PNPLA7: variants seen among roughly 807,000 people sequenced by gnomAD.
PNPLA7 encodes patatin-like phospholipase domain-containing protein 7.
In PNPLA7, 153 loss-of-function variants were observed where a neutral mutation model predicts 161.7. The observed-to-expected ratio is 0.95, with a 90% CI of 0.83 to 1.08. PNPLA7 has a LOEUF of 1.08. Among genes scored for constraint, PNPLA7 ranks in the 50% least tolerant of loss-of-function variants. The pLI, the probability that PNPLA7 is intolerant of heterozygous loss-of-function variation, is 0.00. For synonymous variants in PNPLA7, 809 were observed against 782.1 expected (o/e 1.03, Z -0.57); for missense variants, 1,739 against 1,856.6 (o/e 0.94, Z 1.16).
chr9:137,477,909 C>A (rs1284827829), intron 25 of PNPLA7, 125 bp downstream of exon 25: 5 of 769,460 alleles, frequency 6.5e-6, no homozygotes, highest in Non-Finnish European at 7.2e-6. Flanking sequence ...TCTGGACAGG[C>A]GGCCTGAGGG....
At position 137,500,852 on chromosome 9, in the gene PNPLA7, G is replaced by C. The variant is rs372412627; in HGVS notation, c.1596C>G (p.Tyr532Ter). 9 of 1,594,886 alleles carry C rather than the reference G, an allele frequency of 5.6e-6. No homozygotes were observed. Among genetic ancestry groups the C allele is most frequent in the African/African-American group, 5.3e-5 (4 of 74,820 alleles). Reference protein sequence around the residue: ...LFVVSGLLHVYQRKIGSQEDT... With the variant: ...LFVVSGLLHV Reference sequence around the variant, plus strand: ...CCTCCTGGCTGCCGATCTTCCGCTGGTACACGTGCAGCAGCCCCGAGACCA... The same window carrying C: ...CCTCCTGGCTGCCGATCTTCCGCTGCTACACGTGCAGCAGCCCCGAGACCA... Residue 532 changes from tyrosine (Y) to a stop codon, truncating the protein, a stop_gained, in exon 16 of 35, where the codon TAC (tyrosine) becomes TAG (stop). Coordinates refer to ENST00000406427, the MANE Select transcript of PNPLA7 (RefSeq NM_001098537.3). LOFTEE classifies it high-confidence loss of function. The surrounding 1 kb of genome is among the most constrained non-coding windows in gnomAD (Gnocchi z 5.5).
chr9:137,511,264 T>C (rs1332610509), intron 12 of PNPLA7, among the ~76,000 whole-genome samples: 1 of 150,524 alleles, frequency 6.6e-6, no homozygotes, highest in African/African-American at 2.5e-5. Context: ...TTAGTGGACC[T>C]TGGCCTGGTG....
chr9:137,547,647 G>A lies in PNPLA7; in HGVS notation c.43C>T (p.Leu15=), dbSNP rs777835450. Residue 15 remains leucine (L), a synonymous_variant, in exon 2 of 35, where the codon CTG becomes TTG. Coordinates refer to ENST00000406427, the MANE Select transcript of PNPLA7 (RefSeq NM_001098537.3). The surrounding 1 kb of genome is among the most constrained non-coding windows in gnomAD (Gnocchi z 4.6). ...CCCCAAGAGTGCAGGGCGGTGCCCA[G>A]GCAGAAGTCAGCCTGCAGCAGAGAG... is the stretch of plus-strand genomic sequence containing the variant. ...KDDSPQADFC[L]GTALHSWGLW... The A allele has an allele frequency of 3.1e-6, 5 of 1,613,048 alleles. No individual in the cohort carries two copies. Among genetic ancestry groups the A allele is most frequent in the African/African-American group, 1.3e-5 (1 of 75,074 alleles).
In PNPLA7 at chr9:137,486,247, A is replaced by G. The variant is rs1489320177; in HGVS notation, c.2198-1511T>C. 6.6e-6 allele frequency among the ~76,000 whole-genome samples: 1 copy of G among 152,012 alleles called. No individual in the cohort carries two copies. The highest frequency in any genetic ancestry group is 1.5e-5 in the Non-Finnish European group (1 of 68,016). ...AAGCCTGGGGACACAGAACCAAGTGAGGGCTTAAGGGCCACTCCCTGCAGA... is the reference window on the plus strand; with the variant it reads ...AAGCCTGGGGACACAGAACCAAGTGGGGGCTTAAGGGCCACTCCCTGCAGA... On this transcript the variant is annotated intron_variant, in intron 20 of 34. Coordinates refer to ENST00000406427, the MANE Select transcript of PNPLA7 (RefSeq NM_001098537.3). The surrounding 1 kb of genome is among the most constrained non-coding windows in gnomAD (Gnocchi z 6.0).
chr9:137,500,982 C>A lies in PNPLA7; in HGVS notation c.1552-86G>T. The A allele has an allele frequency of 7.8e-7, 1 of 1,276,098 alleles. No individual in the cohort carries two copies. Among genetic ancestry groups the A allele is most frequent in the Non-Finnish European group, 1.1e-6 (1 of 930,322 alleles). 79.0% of individuals were successfully genotyped at this position (1,276,098 alleles called of 1,614,324 possible). ...CTGGGCCCAGAGCGGACGATGCCAC[C>A]AGGCTCAGCCGGGAGACCATCCGCC... On this transcript the variant is annotated intron_variant, in intron 15 of 34. Coordinates refer to ENST00000406427, the MANE Select transcript of PNPLA7 (RefSeq NM_001098537.3). The surrounding 1 kb of genome is among the most constrained non-coding windows in gnomAD (Gnocchi z 5.5).
chr9:137,538,128 C>T (rs750986088), intron 8 of PNPLA7, among the ~76,000 whole-genome samples: 3 of 152,190 alleles, frequency 2.0e-5, no homozygotes, highest in Non-Finnish European at 4.4e-5. Flanking sequence ...CCCCAAGCCA[C>T]GCTGGGGGCT....
chr9:137,478,301 C>T (rs1053048972), intron 24 of PNPLA7, 149 bp from the exon 25 acceptor site: 6 of 541,788 alleles, frequency 1.1e-5, no homozygotes, highest in African/African-American at 2.0e-5. Flanking sequence ...CTGCCTGATA[C>T]GACTGGTCAG....
intron 18 of PNPLA7, among the ~76,000 whole-genome samples, chr9:137,496,257 G>A (rs558614128): frequency 6.6e-5 from 10 of 150,644 alleles, no homozygotes; most frequent in Admixed American, 2.0e-4. Context: ...ACAGGCACCC[G>A]CCACCACACC....
intron 14 of PNPLA7, among the ~76,000 whole-genome samples, chr9:137,502,199 T>C (rs1291873228): frequency 2.0e-5 from 3 of 151,722 alleles, no homozygotes; most frequent in African/African-American, 7.3e-5. Context: ...AAGGCAGAGG[T>C]TGCAGTGGAC....
Position 137,463,053 on chromosome 9 carries a change from G to C in PNPLA7, c.3344-220C>G, listed in dbSNP as rs1831295251. ...CTGACCGTATATCCCACAGGTGACA[G>C]GAGTGGCCTGGCCTGGCCCCCAGCA... is the stretch of plus-strand genomic sequence containing the variant. On this transcript the variant is annotated intron_variant, in intron 29 of 34. Coordinates refer to ENST00000406427, the MANE Select transcript of PNPLA7 (RefSeq NM_001098537.3). 4.6e-5 allele frequency: 31 copies of C among 675,708 alleles called. 1 individual carries two copies. In the South Asian group the frequency reaches 5.7e-4, roughly 12 times the overall value. The allele number at this position is 675,708 out of a possible 1,614,324, so 41.9% of individuals were successfully genotyped here. A position where few individuals can be genotyped will look rare whatever the true frequency, so the allele number is the denominator to read the frequency against.
At position 137,490,764 on chromosome 9, in the gene PNPLA7, A is replaced by G. The variant is rs186899391; in HGVS notation, c.2197+2249T>C. 3.9e-5 allele frequency among the ~76,000 whole-genome samples: 6 copies of G among 152,364 alleles called. No homozygotes were observed. Among genetic ancestry groups the G allele is most frequent in the Admixed American group, 3.9e-4 (6 of 15,298 alleles). On this transcript the variant is annotated intron_variant, in intron 20 of 34. Transcript: ENST00000406427. The surrounding 1 kb of genome is among the most constrained non-coding windows in gnomAD (Gnocchi z 4.1). ...AGGAGGACGGTGACCCTGGGTGAAC[A>G]TCACAGACTATTCTCCTAAGTTTTA...
At chr9:137,503,840 A>AT (rs1564324806) in intron 14 of PNPLA7, among the ~76,000 whole-genome samples, 21 of 45,780 alleles carry the variant, frequency 4.6e-4, no homozygotes, top group South Asian at 9.0e-4. Flanking sequence ...AAGAAGCAAG[A>AT]AGAAGAAGGA....
intron 12 of PNPLA7, among the ~76,000 whole-genome samples, chr9:137,510,136 C>T (rs1281727176): frequency 2.0e-5 from 3 of 152,142 alleles, no homozygotes; most frequent in South Asian, 2.1e-4. Context: ...GATCATGGTC[C>T]AGCGGTAGCA....
chr9:137,509,683 G>A, intron 12 of PNPLA7: 1 of 446,778 alleles, frequency 2.2e-6, no homozygotes, highest in South Asian at 1.6e-5. Context: ...ACAGTCACAT[G>A]AGGCTTGTGG....
At chr9:137,538,748 A>T (rs544129130) in intron 8 of PNPLA7, among the ~76,000 whole-genome samples, 68 of 152,300 alleles carry the variant, frequency 4.5e-4, no homozygotes, top group Admixed American at 1.7e-3. Context: ...AAGATTAAAC[A>T]CACATTAAAT....
rs971925344 is a variant in PNPLA7 at position 137,520,841 on chromosome 9, C to T, written c.957+795G>A. 2.0e-5 allele frequency among the ~76,000 whole-genome samples: 3 copies of T among 152,232 alleles called. No individual in the cohort carries two copies. The highest frequency in any genetic ancestry group is 4.4e-5 in the Non-Finnish European group (3 of 68,044). ...ACGCGTCACAGTTCAGGGTCAGCTC[C>T]GCCCCACCCGGTTCAGATAGGAGGA... is the stretch of plus-strand genomic sequence containing the variant. On this transcript the variant is annotated intron_variant, in intron 10 of 34. Transcript: ENST00000406427. This position sits in a 1 kb window ranked among gnomAD's most constrained non-coding sequence, Gnocchi z 5.2.
At chr9:137,522,432 C>T (rs1238993272) in intron 9 of PNPLA7, among the ~76,000 whole-genome samples, 12 of 152,258 alleles carry the variant, frequency 7.9e-5, no homozygotes, top group South Asian at 2.1e-4. Context: ...CCTCGTGATC[C>T]GCCCGCCTCG....
Position 137,468,224 on chromosome 9 carries a change from C to T in PNPLA7, c.2883-751G>A, listed in dbSNP as rs761155567. 1.3e-5 allele frequency among the ~76,000 whole-genome samples: 2 copies of T among 151,774 alleles called. No homozygotes were observed. Among genetic ancestry groups the T allele is most frequent in the Non-Finnish European group, 2.9e-5 (2 of 67,970 alleles). On this transcript the variant is annotated intron_variant, in intron 25 of 34. Coordinates refer to ENST00000406427, the MANE Select transcript of PNPLA7 (RefSeq NM_001098537.3). This position sits in a 1 kb window ranked among gnomAD's most constrained non-coding sequence, Gnocchi z 4.0. ...CACCCCCGAGACCAGGCAGCCGGCA[C>T]CCAGGGCCTCTAATTGCTACTGCTG...
At position 137,467,320 on chromosome 9, in the gene PNPLA7, G is replaced by A. The variant is rs550255849; in HGVS notation, c.3036C>T (p.Ala1012=). Residue 1012 remains alanine, a synonymous_variant, in exon 26 of 35, where the codon GCC becomes GCT. Coordinates refer to ENST00000406427, the MANE Select transcript of PNPLA7 (RefSeq NM_001098537.3). The surrounding 1 kb of genome is among the most constrained non-coding windows in gnomAD (Gnocchi z 5.1). ...AGGGTGATGGGTGCCTGCTTACCTC[G>A]GCCCACTGCTTGGCCCGGATCCGCA... ...SQMRIRAKQW[A]EGMTSLMKAA... The A allele has an allele frequency of 1.8e-5, 29 of 1,612,530 alleles. No homozygotes were observed. Among genetic ancestry groups the A allele is most frequent in the Admixed American group, 1.5e-4 (9 of 59,918 alleles).
Sources: gnomAD v4.1 joint callset for allele counts (sites outside exome capture counted in the v4.1 genomes callset) on GRCh38, gnomAD v4.1.1 for gene constraint, Gnocchi (gnomAD v3.1) non-coding constraint, MANE v1.5 for transcripts, NCBI Gene and HGNC (gene_info 2026-07-23, HGNC 2026-07-21) for gene names.